SAMD12: variants seen among roughly 807,000 people sequenced by gnomAD.
SAMD12 encodes the protein sterile alpha motif domain-containing protein 12.
Under a neutral mutation model 15.0 loss-of-function variants are expected in SAMD12, and 9 were observed. That is an observed-to-expected ratio of 0.60 (90% confidence interval 0.36 to 1.05). The LOEUF (loss-of-function observed/expected upper bound fraction) is 1.05. Among genes scored for constraint, SAMD12 ranks in the 50% least tolerant of loss-of-function variants. The probability of loss-of-function intolerance (pLI) is 0.01; values close to 1 mark genes in which losing one functional copy is unlikely to be tolerated. For missense variants in SAMD12, 230 were observed against 234.2 expected (o/e 0.98, Z 0.12); for synonymous variants, 86 against 90.1 (o/e 0.96, Z 0.25).
At chr8:118,250,573 G>A (rs1812798124) in intron 4 of SAMD12, among the ~76,000 whole-genome samples, 1 of 151,510 alleles carries the variant, frequency 6.6e-6, no homozygotes, top group African/African-American at 2.4e-5. Context: ...TGCAATCTTG[G>A]CTCACTGCAA....
At chr8:118,136,395 G>A in the SAMD12 span, among the ~76,000 whole-genome samples, 1 of 152,192 alleles carries the variant, frequency 6.6e-6, no homozygotes, top group Non-Finnish European at 1.5e-5. Flanking sequence ...CCAACATTTT[G>A]GAGGAGATCA....
chr8:118,387,861 CAAGG>C (rs1820047629), intron 3 of SAMD12, among the ~76,000 whole-genome samples: 1 of 152,146 alleles, frequency 6.6e-6, no homozygotes, highest in African/African-American at 2.4e-5. Context: ...TCACTATGCA[CAAGG>C]GCGTAATGTT....
At chr8:118,584,922 T>TACACACACAC (rs141290440) in intron 1 of SAMD12, among the ~76,000 whole-genome samples, 3 of 146,972 alleles carry the variant, frequency 2.0e-5, no homozygotes, top group South Asian at 2.2e-4. Flanking sequence ...CTTGTAGGTA[T>TACACACACAC]ACACACACAC....
chr8:118,497,215 T>C (rs1412688461), intron 2 of SAMD12, among the ~76,000 whole-genome samples: 2 of 152,166 alleles, frequency 1.3e-5, no homozygotes, highest in Admixed American at 6.6e-5. Flanking sequence ...AATCCCATTG[T>C]TGGGTGTGTA....
At chr8:118,221,483 A>T (rs1812080532) in intron 4 of SAMD12, among the ~76,000 whole-genome samples, 1 of 152,110 alleles carries the variant, frequency 6.6e-6, no homozygotes, top group Admixed American at 6.6e-5. Flanking sequence ...GAAAGAACAG[A>T]TCTGTTTCTG....
intron 4 of SAMD12, among the ~76,000 whole-genome samples, chr8:118,260,691 C>T (rs1813056884): frequency 6.6e-6 from 1 of 152,110 alleles, no homozygotes; most frequent in Non-Finnish European, 1.5e-5. Flanking sequence ...AGAAGAGTGA[C>T]ATTGGAGTCT....
At chr8:118,593,269 C>A (rs1258127822) in intron 1 of SAMD12, among the ~76,000 whole-genome samples, 1 of 151,938 alleles carries the variant, frequency 6.6e-6, no homozygotes, top group East Asian at 1.9e-4. Context: ...TTGCAGTGGT[C>A]CAAAGGCTAA....
At chr8:118,582,423 A>G (rs1193732366) in intron 1 of SAMD12, among the ~76,000 whole-genome samples, 1 of 152,152 alleles carries the variant, frequency 6.6e-6, no homozygotes, top group Admixed American at 6.5e-5. Context: ...CAAATATTCA[A>G]TGATATTTCT....
rs1160792029 is a variant in SAMD12, at chr8:118,323,946, CAAG to C, written c.433+55611_433+55613del. On this transcript the variant is annotated intron_variant, in intron 4 of 4. Coordinates refer to the SAMD12 transcript ENST00000409003. ...ACCTCCTATACATACAGGTTTTTTTCAAGAAGATTATTGTTTTCTTTTTAATAC... is the reference window on the plus strand; with the variant it reads ...ACCTCCTATACATACAGGTTTTTTTCAAGATTATTGTTTTCTTTTTAATAC... Among the ~76,000 whole-genome samples, 5 of 152,040 alleles carry C rather than the reference CAAG, an allele frequency of 3.3e-5. No individual in the cohort carries two copies. In the East Asian group the frequency reaches 9.7e-4, roughly 29 times the overall value.
intron 4 of SAMD12, among the ~76,000 whole-genome samples, chr8:118,312,533 A>G (rs1815682693): frequency 6.6e-6 from 1 of 152,110 alleles, no homozygotes; most frequent in Non-Finnish European, 1.5e-5. Context: ...ATTTATTTAT[A>G]TATTGTCTTA....
intron 4 of SAMD12, among the ~76,000 whole-genome samples, chr8:118,363,085 T>C (rs2130645314): frequency 6.6e-6 from 1 of 152,344 alleles, no homozygotes; most frequent in East Asian, 1.9e-4. Context: ...TGTTAATTTC[T>C]TTAAGTGCAT....
At chr8:118,337,636 A>T (rs1817149774) in intron 4 of SAMD12, among the ~76,000 whole-genome samples, 1 of 152,376 alleles carries the variant, frequency 6.6e-6, no homozygotes, top group Middle Eastern at 3.4e-3. Context: ...AAAGAGGGAC[A>T]TAAACTCAGC....
intron 4 of SAMD12, among the ~76,000 whole-genome samples, chr8:118,329,725 T>G (rs1488001630): frequency 6.6e-6 from 1 of 152,232 alleles, no homozygotes; most frequent in African/African-American, 2.4e-5. Context: ...TATTTGACTC[T>G]TTTGCTCAAC....
chr8:118,514,258 T>C (rs1825167645), intron 2 of SAMD12, among the ~76,000 whole-genome samples: 1 of 152,184 alleles, frequency 6.6e-6, no homozygotes, highest in African/African-American at 2.4e-5. Context: ...TTTTGAACAT[T>C]TATATAGTGC....
intron 1 of SAMD12, 64 bp downstream of exon 1, chr8:118,621,740 G>C: frequency 6.3e-7 from 1 of 1,583,208 alleles, no homozygotes; most frequent in Non-Finnish European, 8.7e-7. Flanking sequence ...AGCTTCATCG[G>C]GGATGTGTGC....
rs1563569264 is a variant in SAMD12 at position 118,536,441 on chromosome 8, CAA to C, written c.192+44272_192+44273del. The stretch of plus-strand genomic sequence containing the variant: ...AGATTGAGCTATGTAGACTGATACA[CAA>C]ACACACACACACACACACACACACA... On this transcript the variant is annotated intron_variant, in intron 2 of 3. Transcript: ENST00000314727. Among the ~76,000 whole-genome samples, 5 of 105,134 alleles carry C rather than the reference CAA, an allele frequency of 4.8e-5. No homozygotes were observed. In the South Asian group the frequency reaches 9.5e-4, roughly 20 times the overall value. 69.0% of individuals were successfully genotyped at this position (105,134 alleles called of 152,430 possible). A position where few individuals can be genotyped will look rare whatever the true frequency, so the allele number is the denominator to read the frequency against.
chr8:118,141,640 A>C, the SAMD12 span, among the ~76,000 whole-genome samples: 1 of 152,254 alleles, frequency 6.6e-6, no homozygotes, highest in Non-Finnish European at 1.5e-5. Flanking sequence ...TAGGCCAAAT[A>C]ACTCTGGTGA....
chr8:118,616,438 A>C (rs1393968207), intron 1 of SAMD12, among the ~76,000 whole-genome samples: 2 of 152,224 alleles, frequency 1.3e-5, no homozygotes, highest in Non-Finnish European at 2.9e-5. Flanking sequence ...CCAACAAGAA[A>C]AGGTAGTTAG....
chr8:118,370,119 G>A (rs886199947), intron 4 of SAMD12, among the ~76,000 whole-genome samples: 10 of 152,022 alleles, frequency 6.6e-5, no homozygotes, highest in African/African-American at 2.4e-4. Context: ...TAAAAAGTGG[G>A]CAAAGGACAT....
Sources: allele counts gnomAD v4.1 joint callset (sites outside exome capture counted in the v4.1 genomes callset), GRCh38; gene constraint gnomAD v4.1.1; transcripts MANE v1.5; gene names NCBI Gene and HGNC (gene_info 2026-07-23, HGNC 2026-07-21).